The following ZNF804A variants were observed in gnomAD, a reference collection of about 807,000 sequenced individuals.
The protein encoded by ZNF804A is zinc finger protein 804A.
In ZNF804A, 2 loss-of-function variants were observed where a neutral mutation model predicts 16.5. That is an observed-to-expected ratio of 0.12 (90% CI 0.05 to 0.38). The LOEUF is 0.38. Ranked by LOEUF, ZNF804A falls within the 10% of genes least tolerant of loss-of-function variation. ZNF804A has a pLI of 0.99. For missense variants in ZNF804A, 1,473 were observed against 1,390.7 expected, an observed-to-expected ratio of 1.06 and a Z score of -0.94; for synonymous variants, 534 against 489.6, an observed-to-expected ratio of 1.09 and a Z score of -1.20.
chr2:184,640,354 CT>C (rs199826711), intron 1 of ZNF804A, among the ~76,000 whole-genome samples: 19 of 151,390 alleles, frequency 1.3e-4, no homozygotes, highest in East Asian at 1.9e-4. Context: ...CTTAGAGTTT[CT>C]TTTTTTTCAA....
intron 1 of ZNF804A, among the ~76,000 whole-genome samples, chr2:184,834,511 G>A (rs1464492377): frequency 6.6e-6 from 1 of 151,998 alleles, no homozygotes; most frequent in African/African-American, 2.4e-5. Flanking sequence ...GCTAGAAAAT[G>A]TGTATCTCTC....
rs549572611 is a variant in ZNF804A at position 184,868,427 on chromosome 2, G to A, written c.255+1915G>A. Among the ~76,000 whole-genome samples, 5 of 152,106 alleles carry A rather than the reference G, an allele frequency of 3.3e-5. No individual in the cohort carries two copies. In the South Asian group the frequency reaches 6.2e-4, roughly 19 times the overall value. On this transcript the variant is annotated intron_variant, in intron 2 of 3. Coordinates refer to ENST00000302277, the MANE Select transcript of ZNF804A (RefSeq NM_194250.2). ...CTCTAACACATTGTTCACTTTGAAT[G>A]AAGTAGAGGGGGAAACAGATTGGAT...
At chr2:184,831,198 G>T (rs984677281) in intron 1 of ZNF804A, among the ~76,000 whole-genome samples, 2 of 152,118 alleles carry the variant, frequency 1.3e-5, no homozygotes, top group Middle Eastern at 3.4e-3. Flanking sequence ...TTATTAATAA[G>T]TAAATTCATA....
intron 1 of ZNF804A, among the ~76,000 whole-genome samples, chr2:184,803,730 A>G (rs1694759160): frequency 6.6e-6 from 1 of 152,196 alleles, no homozygotes; most frequent in Non-Finnish European, 1.5e-5. Flanking sequence ...CTAGGGAAGA[A>G]TATTTTCTTA....
intron 1 of ZNF804A, among the ~76,000 whole-genome samples, chr2:184,790,216 CTTTT>C (rs761536385): frequency 5.5e-4 from 82 of 150,100 alleles, no homozygotes; most frequent in Admixed American, 3.9e-3. Context: ...GTTTTTTTTG[CTTTT>C]TTGTTTTTTT....
intron 1 of ZNF804A, among the ~76,000 whole-genome samples, chr2:184,683,974 C>T (rs188687643): frequency 3.0e-3 from 453 of 152,238 alleles, no homozygotes; most frequent in African/African-American, 0.011. Flanking sequence ...TATTTGGTAA[C>T]CTTTTATTGA....
chr2:184,735,066 TG>T (rs948736296), intron 1 of ZNF804A, among the ~76,000 whole-genome samples: 1 of 152,178 alleles, frequency 6.6e-6, no homozygotes, highest in Admixed American at 6.5e-5. Context: ...TAAAGTGTAT[TG>T]CTTCTAGATA....
intron 1 of ZNF804A, among the ~76,000 whole-genome samples, chr2:184,781,803 G>T (rs1694376277): frequency 6.6e-6 from 1 of 151,786 alleles, no homozygotes; most frequent in Admixed American, 6.6e-5. Context: ...AGAGCAGAGA[G>T]AAAAATACAT....
intron 1 of ZNF804A, among the ~76,000 whole-genome samples, chr2:184,711,591 T>C (rs1693126654): frequency 6.6e-6 from 1 of 151,736 alleles, no homozygotes; most frequent in Admixed American, 6.6e-5. Context: ...TCTAATGCCA[T>C]GAATCTCTCC....
intron 1 of ZNF804A, among the ~76,000 whole-genome samples, chr2:184,608,667 C>T (rs1313447042): frequency 6.6e-6 from 1 of 152,160 alleles, no homozygotes; most frequent in Admixed American, 6.5e-5. Context: ...AGACAAGCTC[C>T]TACCCATCAG....
intron 1 of ZNF804A, among the ~76,000 whole-genome samples, chr2:184,826,436 A>C (rs1695170054): frequency 6.6e-6 from 1 of 152,042 alleles, no homozygotes; most frequent in South Asian, 2.1e-4. Context: ...GAGGTGAATT[A>C]TTTTCAGATT....
At chr2:184,932,705 T>G (rs1196652774) in intron 2 of ZNF804A, among the ~76,000 whole-genome samples, 1 of 152,150 alleles carries the variant, frequency 6.6e-6, no homozygotes, top group Non-Finnish European at 1.5e-5. Flanking sequence ...AAAATAGTAC[T>G]TTTATTATTT....
chr2:184,649,188 A>T (rs1185437541), intron 1 of ZNF804A, among the ~76,000 whole-genome samples: 1 of 152,150 alleles, frequency 6.6e-6, no homozygotes, highest in Non-Finnish European at 1.5e-5. Flanking sequence ...ACATTTGAAT[A>T]AACAATAAAT....
intron 1 of ZNF804A, among the ~76,000 whole-genome samples, chr2:184,798,573 T>C (rs955458051): frequency 6.6e-6 from 1 of 152,160 alleles, no homozygotes; most frequent in African/African-American, 2.4e-5. Flanking sequence ...GTGTTTCCAA[T>C]GTTTCCTGAA....
intron 1 of ZNF804A, among the ~76,000 whole-genome samples, chr2:184,757,470 CA>C (rs1693976545): frequency 1.3e-5 from 2 of 151,854 alleles, no homozygotes; most frequent in African/African-American, 4.8e-5. Context: ...CCTCTTAAAT[CA>C]ATATTTTATT....
chr2:184,933,503 T>A, intron 2 of ZNF804A, 100 bp from the exon 3 acceptor site: 1 of 1,151,724 alleles, frequency 8.7e-7, no homozygotes, highest in South Asian at 1.6e-5. Flanking sequence ...CTCGACAAGG[T>A]CAAAGATGAT....
chr2:184,610,713 G>GA (rs1362240873), intron 1 of ZNF804A, among the ~76,000 whole-genome samples: 1 of 152,044 alleles, frequency 6.6e-6, no homozygotes, highest in African/African-American at 2.4e-5. Flanking sequence ...GTCAATGTCT[G>GA]GACAATGTGC....
At chr2:184,754,959 A>G (rs1343149545) in intron 1 of ZNF804A, among the ~76,000 whole-genome samples, 1 of 151,878 alleles carries the variant, frequency 6.6e-6, no homozygotes, top group Non-Finnish European at 1.5e-5. Flanking sequence ...GTCATTCACC[A>G]TCTGAAGAAC....
At chr2:184,670,193 G>A (rs920540769) in intron 1 of ZNF804A, among the ~76,000 whole-genome samples, 4 of 151,848 alleles carry the variant, frequency 2.6e-5, no homozygotes, top group African/African-American at 9.7e-5. Context: ...CTGTCTGATA[G>A]CTCTATTTTT....
Sources: gnomAD v4.1 joint callset for allele counts (sites outside exome capture counted in the v4.1 genomes callset) on GRCh38, gnomAD v4.1.1 for gene constraint, MANE v1.5 for transcripts, NCBI Gene and HGNC (gene_info 2026-07-23, HGNC 2026-07-21) for gene names.